The following CLIP1 variants were observed in gnomAD, a reference collection of about 807,000 sequenced individuals.
CLIP1 encodes the protein CAP-Gly domain-containing linker protein 1.
In CLIP1, 66 loss-of-function variants were observed where a neutral mutation model predicts 161.6. The observed-to-expected ratio is 0.41, with a 90% CI of 0.33 to 0.50. The LOEUF (loss-of-function observed/expected upper bound fraction) is 0.50, where lower values mean the gene tolerates loss of function less well. CLIP1 is among the 20% of genes least tolerant of loss of function. The pLI is 0.27. For synonymous variants in CLIP1, 598 were observed against 626.2 expected, an observed-to-expected ratio of 0.96 and a Z score of 0.67; for missense variants, 1,376 against 1,702.0, an observed-to-expected ratio of 0.81 and a Z score of 3.37.
chr12:122,388,000 C>T (rs984581567), intron 1 of CLIP1, among the ~76,000 whole-genome samples: 2 of 152,082 alleles, frequency 1.3e-5, no homozygotes, highest in Admixed American at 6.6e-5. Context: ...AGATCTCATT[C>T]GTTTTTAAGA....
At chr12:122,283,735 C>T (rs1226776657) in intron 21 of CLIP1, among the ~76,000 whole-genome samples, 4 of 152,070 alleles carry the variant, frequency 2.6e-5, no homozygotes, top group African/African-American at 4.8e-5. Flanking sequence ...CGTGACCCAC[C>T]GCACCCAGCC....
chr12:122,363,539 G>C (rs551303177), intron 4 of CLIP1, among the ~76,000 whole-genome samples: 1 of 151,886 alleles, frequency 6.6e-6, no homozygotes, highest in South Asian at 2.1e-4. Flanking sequence ...CGATGGAAGA[G>C]GTCCGCTTGG....
intron 2 of CLIP1, among the ~76,000 whole-genome samples, chr12:122,379,890 G>A (rs1250071148): frequency 6.8e-6 from 1 of 146,816 alleles, no homozygotes; most frequent in Non-Finnish European, 1.5e-5. Flanking sequence ...GTTGCAGTGA[G>A]CCGAGATTGT....
intron 10 of CLIP1, chr12:122,343,387 C>A (rs1755776584): frequency 6.6e-6 from 1 of 152,164 alleles, no homozygotes; most frequent in African/African-American, 2.4e-5. Flanking sequence ...CCCACCTTGG[C>A]CTCCCAAAGT....
chr12:122,334,602 A>G (rs1193800013), intron 13 of CLIP1, 46 bp downstream of exon 13: 1 of 1,310,440 alleles, frequency 7.6e-7, no homozygotes, highest in Non-Finnish European at 1.1e-6. Flanking sequence ...AGTATGAAAG[A>G]ATGATATTTT....
At chr12:122,300,345 G>A (rs1300257480) in intron 20 of CLIP1, among the ~76,000 whole-genome samples, 1 of 152,018 alleles carries the variant, frequency 6.6e-6, no homozygotes, top group African/African-American at 2.4e-5. Context: ...ACAATGAGAA[G>A]GACAGAGAGG....
intron 20 of CLIP1, among the ~76,000 whole-genome samples, chr12:122,288,774 TAAAC>T (rs1955963985): frequency 6.6e-6 from 1 of 151,008 alleles, no homozygotes; most frequent in African/African-American, 2.4e-5. Flanking sequence ...TTAAACATAT[TAAAC>T]AATCACACCT....
chr12:122,356,176 T>C (rs1359830952), intron 5 of CLIP1: 3 of 152,246 alleles, frequency 2.0e-5, no homozygotes, highest in African/African-American at 4.8e-5. Context: ...AATTTCATTA[T>C]ATAGCTAAAT....
Position 122,352,784 on chromosome 12 carries a change from T to C in CLIP1, c.1310A>G (p.Lys437Arg), listed in dbSNP as rs368106091. The stretch of plus-strand genomic sequence containing the variant: ...AACCCGGAACTGAAGGTCCTCAACC[T>C]TCCTGTGGAATAAAACCCAAACAAA... The part of the protein sequence containing the change: ...LLNQLEEEKR[K>R]VEDLQFRVEE... Residue 437 changes from lysine (K) to arginine (R), a missense_variant and splice_region_variant, in exon 8 of 26, where the codon AAG (lysine) becomes AGG (arginine). Coordinates refer to ENST00000620786, the MANE Select transcript of CLIP1 (RefSeq NM_001247997.2). 55 of 1,613,524 alleles carry C rather than the reference T, an allele frequency of 3.4e-5. No homozygotes were observed. The African/African-American group carries it at 5.1e-4, about 15-fold the overall frequency.
chr12:122,370,024 G>A (rs1954357531), intron 3 of CLIP1, among the ~76,000 whole-genome samples: 1 of 151,998 alleles, frequency 6.6e-6, no homozygotes, highest in South Asian at 2.1e-4. Flanking sequence ...TTAGCCAGCT[G>A]TGGTGGCTCA....
chr12:122,364,229 G>A (rs1954015141), intron 3 of CLIP1, 122 bp from the exon 4 acceptor site: 1 of 1,188,222 alleles, frequency 8.4e-7, no homozygotes, highest in Non-Finnish European at 1.2e-6. Context: ...CTTTGCTTTA[G>A]CTTCTCTTTG....
At chr12:122,334,747 A>G in intron 12 of CLIP1, 42 bp from the exon 13 acceptor site, 1 of 1,236,432 alleles carries the variant, frequency 8.1e-7, no homozygotes. Context: ...AAAGATTTCA[A>G]ATTGTAAAGA....
At chr12:122,347,600 A>C in intron 9 of CLIP1, 121 bp from the exon 10 acceptor site, 1 of 705,788 alleles carries the variant, frequency 1.4e-6, no homozygotes, top group South Asian at 1.6e-5. Flanking sequence ...GGTGAACCAA[A>C]GGGGAATGGA....
In CLIP1 at chr12:122,272,741, A is replaced by G. The variant is rs909835092; in HGVS notation, c.*134T>C. The G allele has an allele frequency of 2.8e-5, 21 of 739,280 alleles. No homozygotes were observed. In the African/African-American group the frequency reaches 3.5e-4, roughly 12 times the overall value. The allele number at this position is 739,280 out of a possible 1,614,324, so 45.8% of individuals were successfully genotyped here. A position where few individuals can be genotyped will look rare whatever the true frequency, so the allele number is the denominator to read the frequency against. ...TAAAGGGCAATTTGTTGAAGATCAA[A>G]ATATTTTCCTAGATTTGTTGACGGG... On this transcript the variant is annotated 3_prime_UTR_variant, in exon 26 of 26. Transcript: ENST00000620786.
At chr12:122,414,758 C>T (rs1439565770) in intron 1 of CLIP1, among the ~76,000 whole-genome samples, 2 of 152,164 alleles carry the variant, frequency 1.3e-5, no homozygotes, top group Non-Finnish European at 2.9e-5. Context: ...AGCCACCACG[C>T]CCAGCCCAAA....
At chr12:122,409,656 C>T (rs774901348) in intron 1 of CLIP1, among the ~76,000 whole-genome samples, 1 of 151,218 alleles carries the variant, frequency 6.6e-6, no homozygotes, top group Non-Finnish European at 1.5e-5. Context: ...ATCAGCCTCC[C>T]GAGTAGCTGG....
intron 20 of CLIP1, 139 bp from the exon 21 acceptor site, chr12:122,288,680 G>A: frequency 1.5e-6 from 1 of 658,344 alleles, no homozygotes; most frequent in Admixed American, 2.9e-5. Flanking sequence ...AGGGACAAGT[G>A]GTCACTCTAT....
Position 122,272,737 on chromosome 12 carries a change from T to C in CLIP1, c.*138A>G, listed in dbSNP as rs1955224909. The C allele has an allele frequency of 1.4e-6, 1 of 718,990 alleles. No individual in the cohort carries two copies. Among genetic ancestry groups the C allele is most frequent in the Non-Finnish European group, 2.4e-6 (1 of 420,342 alleles). 44.5% of individuals were successfully genotyped at this position (718,990 alleles called of 1,614,324 possible). ...AGACTAAAGGGCAATTTGTTGAAGA[T>C]CAAAATATTTTCCTAGATTTGTTGA... On this transcript the variant is annotated 3_prime_UTR_variant, in exon 26 of 26. Coordinates refer to ENST00000620786, the MANE Select transcript of CLIP1 (RefSeq NM_001247997.2).
In CLIP1 at chr12:122,278,916, G is replaced by A. The variant is rs553942367; in HGVS notation, c.3792C>T (p.Ala1264=). 5 of 1,611,792 alleles carry A rather than the reference G, an allele frequency of 3.1e-6. No homozygotes were observed. In the African/African-American group the frequency reaches 4.0e-5, roughly 13 times the overall value. ...NEVTVLRGEN[A]SAKSLHSVVQ... is the part of the protein sequence containing the mutation. ...CAACTGAATGCAAGGACTTGGCAGA[G>A]GCGTTTTCTCCCCTGAGCACTGTGA... The change falls in exon 23 of 26, where the codon GCC becomes GCT. Residue 1264 remains alanine (A), a synonymous_variant. Coordinates refer to ENST00000620786, the MANE Select transcript of CLIP1 (RefSeq NM_001247997.2).
Sources: gnomAD v4.1 joint callset for allele counts (sites outside exome capture counted in the v4.1 genomes callset) on GRCh38, gnomAD v4.1.1 for gene constraint, MANE v1.5 for transcripts, NCBI Gene and HGNC (gene_info 2026-07-23, HGNC 2026-07-21) for gene names.